The following TSHZ2 variants were observed in gnomAD, a reference collection of about 807,000 sequenced individuals.
The protein encoded by TSHZ2 is teashirt homolog 2.
A neutral mutation model predicts 74.4 loss-of-function variants in TSHZ2; 21 were observed. That is an observed-to-expected ratio of 0.28 (90% CI 0.20 to 0.41). TSHZ2 has a LOEUF of 0.41. Among genes scored for constraint, TSHZ2 ranks in the 10% least tolerant of loss-of-function variants. The probability of loss-of-function intolerance (pLI) is 1.00; values close to 1 mark genes in which losing one functional copy is unlikely to be tolerated. For synonymous variants in TSHZ2, 540 were observed against 515.3 expected (o/e 1.05, Z -0.65); for missense variants, 1,244 against 1,293.5 (o/e 0.96, Z 0.59).
At chr20:53,142,812 A>C (rs1432054779) in intron 1 of TSHZ2, among the ~76,000 whole-genome samples, 2 of 144,474 alleles carry the variant, frequency 1.4e-5, no homozygotes, top group African/African-American at 5.1e-5. Context: ...AGCCGGTAAC[A>C]GTATTAAGAT....
intron 2 of TSHZ2, among the ~76,000 whole-genome samples, chr20:53,444,035 C>T (rs1201676877): frequency 6.6e-6 from 1 of 152,040 alleles, no homozygotes; most frequent in Non-Finnish European, 1.5e-5. Flanking sequence ...GTACGGTGGC[C>T]AGCCATCATC....
intron 2 of TSHZ2, among the ~76,000 whole-genome samples, chr20:53,377,968 C>T (rs992859146): frequency 9.9e-5 from 15 of 152,122 alleles, no homozygotes; most frequent in African/African-American, 2.2e-4. Flanking sequence ...CTTTCCACTA[C>T]GGGAAATGTG....
At chr20:53,187,238 T>C (rs551443746) in intron 1 of TSHZ2, among the ~76,000 whole-genome samples, 6 of 152,152 alleles carry the variant, frequency 3.9e-5, no homozygotes, top group African/African-American at 1.4e-4. Flanking sequence ...AAGAAAACAT[T>C]GCAGTATTAT....
chr20:53,094,503 C>T (rs188253316), intron 1 of TSHZ2, among the ~76,000 whole-genome samples: 2 of 152,250 alleles, frequency 1.3e-5, no homozygotes, highest in East Asian at 3.9e-4. Context: ...CAAGTTAGAA[C>T]ATTTTCCCCT....
chr20:53,027,714 G>A (rs1014260774), intron 1 of TSHZ2, among the ~76,000 whole-genome samples: 2 of 151,978 alleles, frequency 1.3e-5, no homozygotes, highest in Non-Finnish European at 2.9e-5. Context: ...AGTTAAGATC[G>A]TGCCACTACA....
At chr20:53,009,883 A>G (rs1982787938) in intron 1 of TSHZ2, among the ~76,000 whole-genome samples, 1 of 152,096 alleles carries the variant, frequency 6.6e-6, no homozygotes, top group Non-Finnish European at 1.5e-5. Context: ...CCAAAAAAAG[A>G]CCTACATTGG....
At chr20:53,321,204 A>G (rs940523466) in intron 2 of TSHZ2, among the ~76,000 whole-genome samples, 3 of 152,182 alleles carry the variant, frequency 2.0e-5, no homozygotes, top group African/African-American at 7.2e-5. Flanking sequence ...TGTTCATAGT[A>G]ATTCATCTTT....
intron 2 of TSHZ2, among the ~76,000 whole-genome samples, chr20:53,371,118 C>T (rs565844620): frequency 2.6e-5 from 4 of 152,218 alleles, no homozygotes; most frequent in Non-Finnish European, 4.4e-5. Context: ...CATTGCTTTT[C>T]GGGCCTACCT....
chr20:53,297,766 C>CACTTCTA (rs1991406872), intron 2 of TSHZ2, among the ~76,000 whole-genome samples: 1 of 152,190 alleles, frequency 6.6e-6, no homozygotes, highest in East Asian at 1.9e-4. Context: ...GTAATAGTAA[C>CACTTCTA]ACTTCTAAGG....
At chr20:53,351,235 AT>A (rs994156596) in intron 2 of TSHZ2, among the ~76,000 whole-genome samples, 17 of 151,858 alleles carry the variant, frequency 1.1e-4, no homozygotes, top group Admixed American at 3.9e-4. Flanking sequence ...GAGTGAATAG[AT>A]TTTTTTTTCT....
chr20:53,184,489 T>G (rs556575061), intron 1 of TSHZ2, among the ~76,000 whole-genome samples: 4 of 152,174 alleles, frequency 2.6e-5, no homozygotes, highest in Non-Finnish European at 5.9e-5. Flanking sequence ...ATGTGAATTT[T>G]AAGGCATTAT....
chr20:53,328,836 G>A (rs1300698984), intron 2 of TSHZ2, among the ~76,000 whole-genome samples: 1 of 151,992 alleles, frequency 6.6e-6, no homozygotes, highest in Non-Finnish European at 1.5e-5. Flanking sequence ...AGCTAAAGGT[G>A]GAATATCAAT....
chr20:53,223,971 C>G (rs531961191), intron 1 of TSHZ2, among the ~76,000 whole-genome samples: 1 of 151,956 alleles, frequency 6.6e-6, no homozygotes, highest in South Asian at 2.1e-4. Flanking sequence ...CTGAGTAGGT[C>G]AGTGGATCAT....
rs112038749 is a variant in TSHZ2 at position 53,358,631 on chromosome 20, C to T, written c.*8+102060C>T. ...AAGTGCTGGGATTACAGGCGTGAGC[C>T]ACTGCACCCAGCCGTTCTTCATCTT... On this transcript the variant is annotated intron_variant, in intron 2 of 2. Coordinates refer to ENST00000371497, the MANE Select transcript of TSHZ2 (RefSeq NM_173485.6). Among the ~76,000 whole-genome samples, 469 of 152,216 alleles carry T rather than the reference C, an allele frequency of 3.1e-3. 3 individuals carry two copies. Among genetic ancestry groups the T allele is most frequent in the Middle Eastern group, 0.01 (3 of 292 alleles).
chr20:53,196,506 G>C (rs1389784829), intron 1 of TSHZ2: 3 of 151,906 alleles, frequency 2.0e-5, no homozygotes, highest in Non-Finnish European at 4.4e-5. Flanking sequence ...CCTCTTACTT[G>C]AAGGAACCCG....
At chr20:53,479,119 C>T (rs1600671459) in intron 2 of TSHZ2, among the ~76,000 whole-genome samples, 1 of 150,710 alleles carries the variant, frequency 6.6e-6, no homozygotes, top group Non-Finnish European at 1.5e-5. Flanking sequence ...GAGCCAAGAT[C>T]GCGCCACTGC....
intron 1 of TSHZ2, among the ~76,000 whole-genome samples, chr20:53,200,120 G>A (rs937408899): frequency 2.6e-5 from 4 of 152,172 alleles, no homozygotes; most frequent in Admixed American, 6.5e-5. Flanking sequence ...CCAGGGATTG[G>A]GTGCGATTGC....
intron 1 of TSHZ2, among the ~76,000 whole-genome samples, chr20:53,020,573 T>C (rs1448824025): frequency 1.3e-5 from 2 of 152,198 alleles, no homozygotes; most frequent in East Asian, 1.9e-4. Context: ...GCTCTTGAAA[T>C]ACTGGTCACA....
At chr20:53,098,226 G>T (rs991293828) in intron 1 of TSHZ2, among the ~76,000 whole-genome samples, 9 of 152,140 alleles carry the variant, frequency 5.9e-5, no homozygotes, top group Non-Finnish European at 8.8e-5. Context: ...AATAAATACT[G>T]GTTGACTGTT....
Sources: allele counts gnomAD v4.1 joint callset (sites outside exome capture counted in the v4.1 genomes callset), GRCh38; gene constraint gnomAD v4.1.1; transcripts MANE v1.5; gene names NCBI Gene and HGNC (gene_info 2026-07-23, HGNC 2026-07-21).